The following WLS variants were observed in gnomAD, a reference collection of about 807,000 sequenced individuals.
WLS encodes the protein protein wntless homolog.
In WLS, 23 loss-of-function variants were observed where a neutral mutation model predicts 62.8. The ratio of observed to expected loss-of-function variants is 0.37; its 90% CI spans 0.26 to 0.52. WLS has a LOEUF of 0.52. Among genes scored for constraint, WLS ranks in the 20% least tolerant of loss-of-function variants. The pLI, the probability that WLS is intolerant of heterozygous loss-of-function variation, is 0.92. For synonymous variants in WLS, 246 were observed against 244.1 expected (o/e 1.01, Z -0.07); for missense variants, 615 against 697.3 (o/e 0.88, Z 1.33).
intron 1 of WLS, among the ~76,000 whole-genome samples, chr1:68,229,043 AG>A (rs978602511): frequency 3.8e-3 from 465 of 122,190 alleles, no homozygotes; most frequent in African/African-American, 0.014. Flanking sequence ...ACGAAACAAC[AG>A]CCTAAATGTC....
At chr1:68,117,972 G>A (rs1415849926) in intron 11 of WLS, among the ~76,000 whole-genome samples, 1 of 149,148 alleles carries the variant, frequency 6.7e-6, no homozygotes, top group African/African-American at 2.5e-5. Flanking sequence ...GAATTGATGA[G>A]AAAAAAAAAA....
At chr1:68,161,149 G>C (rs1355796333) in intron 2 of WLS, among the ~76,000 whole-genome samples, 3 of 151,988 alleles carry the variant, frequency 2.0e-5, no homozygotes, top group African/African-American at 7.3e-5. Flanking sequence ...TGCATCAGAG[G>C]GTTTTTACTG....
chr1:68,126,050 T>C lies in WLS; in HGVS notation c.*176A>G. 2 of 1,435,304 alleles carry C rather than the reference T, an allele frequency of 1.4e-6. No homozygotes were observed. The highest frequency in any genetic ancestry group is 1.8e-6 in the Non-Finnish European group (2 of 1,091,096). 88.9% of individuals were successfully genotyped at this position (1,435,304 alleles called of 1,614,324 possible). On this transcript the variant is annotated 3_prime_UTR_variant, in exon 12 of 12. Coordinates refer to ENST00000262348, the MANE Select transcript of WLS (RefSeq NM_024911.7). ...GCATTAGTGGCTGCAGGAATCTTCC[T>C]CCAAAAGCTACCGTCAGAAGGCAAA...
chr1:68,222,082 C>G (rs546042327), intron 1 of WLS, among the ~76,000 whole-genome samples: 1 of 152,314 alleles, frequency 6.6e-6, no homozygotes, highest in East Asian at 1.9e-4. Flanking sequence ...ATGCCTGCCA[C>G]AAACATCCTC....
chr1:68,189,800 G>A (rs1197844213), intron 2 of WLS, among the ~76,000 whole-genome samples: 2 of 152,164 alleles, frequency 1.3e-5, no homozygotes, highest in Non-Finnish European at 2.9e-5. Context: ...TTGGGAGGCC[G>A]AGGTGGGTGG....
At chr1:68,188,089 C>A (rs1302140179) in intron 2 of WLS, among the ~76,000 whole-genome samples, 1 of 152,184 alleles carries the variant, frequency 6.6e-6, no homozygotes, top group Admixed American at 6.5e-5. Context: ...GAAAACGGAA[C>A]CTGTGGCAAG....
chr1:68,159,810 A>G (rs1347030893), intron 2 of WLS, among the ~76,000 whole-genome samples: 3 of 152,214 alleles, frequency 2.0e-5, no homozygotes, highest in Non-Finnish European at 4.4e-5. Flanking sequence ...TACTTTTCCA[A>G]AAGTCAAAAT....
chr1:68,224,262 T>C (rs1650049600), intron 1 of WLS, among the ~76,000 whole-genome samples: 1 of 152,190 alleles, frequency 6.6e-6, no homozygotes, highest in African/African-American at 2.4e-5. Context: ...GCATAGCAGA[T>C]AGAAATGTTA....
chr1:68,230,588 C>CGCGTGTGT (rs1553139180), intron 1 of WLS, among the ~76,000 whole-genome samples: 38 of 149,156 alleles, frequency 2.5e-4, no homozygotes, highest in African/African-American at 7.4e-4. Context: ...TGTGTGCGCG[C>CGCGTGTGT]GTGTGTGTGT....
At chr1:68,140,766 G>A (rs9943088) in intron 10 of WLS, among the ~76,000 whole-genome samples, 36,247 of 152,004 alleles carry the variant, frequency 0.24, 4,488 homozygotes, top group East Asian at 0.3. Flanking sequence ...TCTGCTCTTT[G>A]GTGGCTGGCT....
chr1:68,214,182 A>AACACACAC (rs71581159), intron 1 of WLS, among the ~76,000 whole-genome samples: 52,249 of 146,384 alleles, frequency 0.36, 11,359 homozygotes, highest in Non-Finnish European at 0.52. Flanking sequence ...GTGATCTCTG[A>AACACACAC]ACACACACAC....
At chr1:68,232,147 C>T (rs1475248974) in intron 1 of WLS, 47 bp downstream of exon 1, 2 of 1,611,680 alleles carry the variant, frequency 1.2e-6, no homozygotes, top group African/African-American at 1.3e-5. Flanking sequence ...AGGGAAGGGG[C>T]CCGAAAAGAC....
intron 11 of WLS, among the ~76,000 whole-genome samples, chr1:68,101,805 C>G (rs1306823126): frequency 6.6e-6 from 1 of 152,196 alleles, no homozygotes; most frequent in African/African-American, 2.4e-5. Flanking sequence ...TATAAACACA[C>G]TTTCTCTTCC....
At chr1:68,108,668 T>C (rs1646179648) in intron 11 of WLS, among the ~76,000 whole-genome samples, 1 of 152,248 alleles carries the variant, frequency 6.6e-6, no homozygotes, top group African/African-American at 2.4e-5. Context: ...TAATTGAATT[T>C]TTAATTCTAC....
rs781704177 is a variant in WLS, at chr1:68,232,253, A to T, written c.47T>A (p.Ile16Asn). 2 of 1,613,990 alleles carry T rather than the reference A, an allele frequency of 1.2e-6. No homozygotes were observed. Among genetic ancestry groups the T allele is most frequent in the Non-Finnish European group, 1.7e-6 (2 of 1,179,970 alleles). ...IENMSTKKLC[I>N]VGGILLVFQI... ...GAACACGAGCAGAATCCCACCAACA[A>T]TGCACAGCTTCTTGGTGCTCATGTT... The change falls in exon 1 of 12, where the codon ATT becomes AAT. Residue 16 changes from isoleucine (I) to asparagine (N), a missense_variant. Transcript: ENST00000262348.
At chr1:68,110,007 T>TAAAAAAAAAAAAAAAAAAAA (rs11290966) in intron 11 of WLS, among the ~76,000 whole-genome samples, 14 of 28,418 alleles carry the variant, frequency 4.9e-4, no homozygotes, top group Admixed American at 1.6e-3. Flanking sequence ...ACACAAAAAG[T>TAAAAAAAAAAAAAAAAAAAA]AAAAAAAAAA....
chr1:68,161,149 G>T (rs1355796333), intron 2 of WLS, among the ~76,000 whole-genome samples: 1 of 151,988 alleles, frequency 6.6e-6, no homozygotes, highest in African/African-American at 2.4e-5. Context: ...TGCATCAGAG[G>T]GTTTTTACTG....
chr1:68,134,801 A>G (rs1410122981), intron 11 of WLS, among the ~76,000 whole-genome samples: 1 of 152,232 alleles, frequency 6.6e-6, no homozygotes, highest in East Asian at 1.9e-4. Flanking sequence ...CTGTTGAGGA[A>G]GAGTGAAGTG....
chr1:68,135,305 CTTTTTTTTTTTTT>C (rs71581156), intron 11 of WLS, among the ~76,000 whole-genome samples: 4 of 66,762 alleles, frequency 6.0e-5, no homozygotes, highest in Admixed American at 2.3e-4. Context: ...CCATGCCTGG[CTTTTTTTTTTTTT>C]TTTTTTTTTT....
Sources: allele counts gnomAD v4.1 joint callset (sites outside exome capture counted in the v4.1 genomes callset), GRCh38; gene constraint gnomAD v4.1.1; transcripts MANE v1.5; gene names NCBI Gene and HGNC (gene_info 2026-07-23, HGNC 2026-07-21).